Variants in CAMTA1 observed in about 807,000 individuals in gnomAD.
CAMTA1 encodes the protein calmodulin binding transcription activator 1.
A neutral mutation model predicts 170.9 loss-of-function variants in CAMTA1; 27 were observed. The observed-to-expected ratio is 0.16, with a 90% CI of 0.12 to 0.22. The LOEUF is 0.22. Ranked by LOEUF, CAMTA1 falls within the 10% of genes least tolerant of loss-of-function variation. The probability of loss-of-function intolerance (pLI) is 1.00; values close to 1 mark genes in which losing one functional copy is unlikely to be tolerated. For synonymous variants in CAMTA1, 833 were observed against 891.5 expected, an observed-to-expected ratio of 0.93 and a Z score of 1.17; for missense variants, 1,619 against 2,217.2, an observed-to-expected ratio of 0.73 and a Z score of 5.42.
chr1:7,354,889 G>A (rs1574883745), intron 5 of CAMTA1, among the ~76,000 whole-genome samples: 2 of 152,112 alleles, frequency 1.3e-5, no homozygotes. Context: ...AATCTCCATC[G>A]GATGTATGCC....
At chr1:6,863,365 C>T (rs1163743844) in intron 3 of CAMTA1, among the ~76,000 whole-genome samples, 1 of 152,142 alleles carries the variant, frequency 6.6e-6, no homozygotes. Flanking sequence ...TCTCTATATT[C>T]CTTCTTATTC....
chr1:7,731,168 CA>C lies in CAMTA1; in HGVS notation c.2915-1278del, dbSNP rs1251482309. Among the ~76,000 whole-genome samples the C allele has an allele frequency of 2.6e-5, 4 of 152,060 alleles. No individual in the cohort carries two copies. In the East Asian group the frequency reaches 7.7e-4, roughly 29 times the overall value. On this transcript the variant is annotated intron_variant, in intron 11 of 22. Transcript: ENST00000303635. Reference sequence around the variant, plus strand: ...ATCTTAGTAAAGTGGTACAGAATCACAACGTGTTTTCTCTTTGAGTTTCAAT... The same window carrying C: ...ATCTTAGTAAAGTGGTACAGAATCACACGTGTTTTCTCTTTGAGTTTCAAT...
Position 7,234,851 on chromosome 1 carries a change from A to G in CAMTA1, c.303-14640A>G, listed in dbSNP as rs1306842949. Among the ~76,000 whole-genome samples, 6 of 143,936 alleles carry G rather than the reference A, an allele frequency of 4.2e-5. No individual in the cohort carries two copies. Among genetic ancestry groups the G allele is most frequent in the Non-Finnish European group, 6.0e-5 (4 of 67,014 alleles). 94.4% of individuals were successfully genotyped at this position (143,936 alleles called of 152,430 possible). A position where few individuals can be genotyped will look rare whatever the true frequency, so the allele number is the denominator to read the frequency against. On this transcript the variant is annotated intron_variant, in intron 4 of 22. Coordinates refer to ENST00000303635, the MANE Select transcript of CAMTA1 (RefSeq NM_015215.4). This position sits in a 1 kb window ranked among gnomAD's most constrained non-coding sequence, Gnocchi z 5.0. ...ACCCAGGCTGGAGTGCGGTGGTGTG[A>G]TCATAGCTCACTGCAACCTCCACTT...
At chr1:7,466,780 G>A (rs1202924116) in intron 5 of CAMTA1, among the ~76,000 whole-genome samples, 1 of 152,154 alleles carries the variant, frequency 6.6e-6, no homozygotes, top group East Asian at 1.9e-4. Flanking sequence ...TTCCAGTCTG[G>A]AATCAGAGGC....
chr1:7,484,123 G>A (rs1033365745), intron 6 of CAMTA1, among the ~76,000 whole-genome samples: 6 of 152,184 alleles, frequency 3.9e-5, no homozygotes, highest in Admixed American at 1.3e-4. Context: ...CTTGCAGACC[G>A]TGGCCTGGGG....
At position 7,456,925 on chromosome 1, in the gene CAMTA1, G is replaced by A. The variant is rs554045041; in HGVS notation, c.439-10905G>A. Reference sequence around the variant, plus strand: ...CAGCCCATGTGGAGCGTGCAGCAAGGCCCAGATGGGAGCAGCCCATGTGGA... The same window carrying A: ...CAGCCCATGTGGAGCGTGCAGCAAGACCCAGATGGGAGCAGCCCATGTGGA... On this transcript the variant is annotated intron_variant, in intron 5 of 22. Coordinates refer to ENST00000303635, the MANE Select transcript of CAMTA1 (RefSeq NM_015215.4). This position sits in a 1 kb window ranked among gnomAD's most constrained non-coding sequence, Gnocchi z 4.9. Among the ~76,000 whole-genome samples the A allele has an allele frequency of 6.6e-6, 1 of 152,280 alleles. No individual in the cohort carries two copies. The highest frequency in any genetic ancestry group is 2.1e-4 in the South Asian group (1 of 4,828).
At chr1:7,001,658 G>T (rs1453417937) in intron 3 of CAMTA1, among the ~76,000 whole-genome samples, 1 of 152,066 alleles carries the variant, frequency 6.6e-6, no homozygotes, top group Non-Finnish European at 1.5e-5. Flanking sequence ...AAAGGATGCT[G>T]GTCTTCACCA....
chr1:7,572,630 G>A lies in CAMTA1; in HGVS notation c.511-67770G>A, dbSNP rs138732528. ...CCCATTGCTTGTTTTTGTCAGCTTC[G>A]TCAGAGATTAGATGGTTGTAGGTGT... On this transcript the variant is annotated intron_variant, in intron 6 of 22. Coordinates refer to ENST00000303635, the MANE Select transcript of CAMTA1 (RefSeq NM_015215.4). Among the ~76,000 whole-genome samples, 393 of 152,208 alleles carry A rather than the reference G, an allele frequency of 2.6e-3. 2 individuals carry two copies. Among genetic ancestry groups the A allele is most frequent in the Middle Eastern group, 6.8e-3 (2 of 294 alleles).
intron 1 of CAMTA1, among the ~76,000 whole-genome samples, chr1:6,813,602 C>T (rs966124413): frequency 4.0e-5 from 6 of 151,436 alleles, no homozygotes; most frequent in South Asian, 2.1e-4. Context: ...ACTGAGAGGT[C>T]GTATTTACAG....
chr1:7,155,571 C>T (rs1422507687), intron 4 of CAMTA1, among the ~76,000 whole-genome samples: 4 of 151,424 alleles, frequency 2.6e-5, no homozygotes, highest in Non-Finnish European at 5.9e-5. Context: ...TGGCTGGGAC[C>T]ACAGGTGGGT....
At chr1:7,160,636 G>A (rs931161170) in intron 4 of CAMTA1, among the ~76,000 whole-genome samples, 9 of 151,924 alleles carry the variant, frequency 5.9e-5, no homozygotes, top group East Asian at 3.9e-4. Flanking sequence ...CAAGGCCTCC[G>A]TTTTCCTTAC....
In CAMTA1 at chr1:7,570,756, T is replaced by A. The variant is rs1348675225; in HGVS notation, c.511-69644T>A. On this transcript the variant is annotated intron_variant, in intron 6 of 22. Transcript: ENST00000303635. The surrounding 1 kb of genome is among the most constrained non-coding windows in gnomAD (Gnocchi z 4.3). ...AGGTGGGTTTGAAGGGCCTCACCTC[T>A]GCTCTCCATCACCCCCCACCGCAGA... is the stretch of plus-strand genomic sequence containing the variant. 6.6e-6 allele frequency among the ~76,000 whole-genome samples: 1 copy of A among 152,190 alleles called. No individual in the cohort carries two copies. Among genetic ancestry groups the A allele is most frequent in the African/African-American group, 2.4e-5 (1 of 41,452 alleles).
chr1:7,733,995 T>G (rs969459718), intron 12 of CAMTA1, among the ~76,000 whole-genome samples: 1 of 152,156 alleles, frequency 6.6e-6, no homozygotes, highest in Non-Finnish European at 1.5e-5. Context: ...GTCGCCCAGG[T>G]GCAGTGCAGT....
At position 7,271,624 on chromosome 1, in the gene CAMTA1, C is replaced by A. The variant is rs189598197; in HGVS notation, c.438+21998C>A. On this transcript the variant is annotated intron_variant, in intron 5 of 22. Coordinates refer to ENST00000303635, the MANE Select transcript of CAMTA1 (RefSeq NM_015215.4). The stretch of plus-strand genomic sequence containing the variant: ...GATAGATAGATAGATACAATACCCC[C>A]AAAACTGAGAAAAGAGCTTAAAAAA... Among the ~76,000 whole-genome samples, 527 of 134,180 alleles carry A rather than the reference C, an allele frequency of 3.9e-3. 3 individuals are homozygous for A. The highest frequency in any genetic ancestry group is 0.014 in the African/African-American group (503 of 35,892). The allele number at this position is 134,180 out of a possible 152,430, so 88.0% of individuals were successfully genotyped here.
intron 6 of CAMTA1, among the ~76,000 whole-genome samples, chr1:7,541,269 C>T (rs2094608113): frequency 6.6e-6 from 1 of 152,252 alleles, no homozygotes; most frequent in African/African-American, 2.4e-5. Flanking sequence ...GCCTGTTTCT[C>T]TCCTGCCTGG....
At chr1:7,203,265 A>AT (rs912171426) in intron 4 of CAMTA1, among the ~76,000 whole-genome samples, 18 of 151,906 alleles carry the variant, frequency 1.2e-4, no homozygotes, top group African/African-American at 4.1e-4. Context: ...TTTGTTGAGG[A>AT]TTTTTTTATC....
In CAMTA1 at chr1:7,721,775, T is replaced by C. The variant is rs565864516; in HGVS notation, c.2915-10673T>C. On this transcript the variant is annotated intron_variant, in intron 11 of 22. Transcript: ENST00000303635. ...CAGAGTCTCACTCCATCGCCCAGGC[T>C]GGAGTGCAGTGTATTTTTATTAGAG... Among the ~76,000 whole-genome samples, 6 of 152,264 alleles carry C rather than the reference T, an allele frequency of 3.9e-5. No individual in the cohort carries two copies. In the East Asian group the frequency reaches 9.6e-4, roughly 24 times the overall value.
intron 11 of CAMTA1, among the ~76,000 whole-genome samples, chr1:7,726,529 A>G (rs1403493367): frequency 6.6e-6 from 1 of 152,226 alleles, no homozygotes; most frequent in East Asian, 1.9e-4. Context: ...ATGTATGTGT[A>G]GAAATGTTAT....
At chr1:7,548,362 C>T (rs896537488) in intron 6 of CAMTA1, among the ~76,000 whole-genome samples, 6 of 152,156 alleles carry the variant, frequency 3.9e-5, no homozygotes, top group Admixed American at 6.5e-5. Flanking sequence ...ATGCAGGGTG[C>T]GCCTTAGGAA....
Sources: gnomAD v4.1 joint callset for allele counts (sites outside exome capture counted in the v4.1 genomes callset) on GRCh38, gnomAD v4.1.1 for gene constraint, Gnocchi (gnomAD v3.1) non-coding constraint, MANE v1.5 for transcripts, NCBI Gene and HGNC (gene_info 2026-07-23, HGNC 2026-07-21) for gene names.